CCR5AS: variants seen among roughly 807,000 people sequenced by gnomAD.
CCR5AS encodes CCR5 antisense RNA.
intron 3 of CCR5AS, among the ~76,000 whole-genome samples, chr3:46,370,250 G>C (rs556969790): frequency 3.3e-5 from 5 of 152,260 alleles, no homozygotes; most frequent in African/African-American, 7.2e-5. Context: ...ATAGTGAACA[G>C]AGTGAAAATC....
intron 2 of CCR5AS, among the ~76,000 whole-genome samples, chr3:46,378,865 TTG>T (rs1159909360): frequency 2.0e-5 from 3 of 152,222 alleles, no homozygotes; most frequent in Non-Finnish European, 4.4e-5. Flanking sequence ...AGAAAATGTT[TTG>T]TGACTAAGCA....
chr3:46,381,539 A>C (rs1355885271), intron 2 of CCR5AS, among the ~76,000 whole-genome samples: 3 of 152,238 alleles, frequency 2.0e-5, no homozygotes, highest in Non-Finnish European at 2.9e-5. Flanking sequence ...GAGTCAAGAC[A>C]ATTCCTCCTT....
At chr3:46,379,018 T>A (rs1701788373) in intron 2 of CCR5AS, among the ~76,000 whole-genome samples, 2 of 146,184 alleles carry the variant, frequency 1.4e-5, no homozygotes, top group Non-Finnish European at 3.0e-5. Context: ...TTTTTTTTTT[T>A]ACTTCTATTT....
At chr3:46,398,050 G>A (rs964405058) in intron 1 of CCR5AS, among the ~76,000 whole-genome samples, 1 of 152,314 alleles carries the variant, frequency 6.6e-6, no homozygotes. Flanking sequence ...CTTGGGAAAA[G>A]GGGGACTAGA....
At chr3:46,402,736 AT>A (rs1423232693) in intron 1 of CCR5AS, among the ~76,000 whole-genome samples, 1 of 152,132 alleles carries the variant, frequency 6.6e-6, no homozygotes. Context: ...TTAAACAATA[AT>A]TTTTTGAACT....
intron 1 of CCR5AS, among the ~76,000 whole-genome samples, chr3:46,394,912 T>A (rs1453548696): frequency 1.3e-5 from 2 of 151,990 alleles, no homozygotes; most frequent in Non-Finnish European, 2.9e-5. Flanking sequence ...GCCCATGGCA[T>A]GGGTGGAGAG....
At chr3:46,406,540 C>T (rs1423440510) in intron 1 of CCR5AS, among the ~76,000 whole-genome samples, 1 of 152,080 alleles carries the variant, frequency 6.6e-6, no homozygotes, top group Admixed American at 6.6e-5. Context: ...CCCCCAGCCT[C>T]AGTTTGGGGT....
intron 2 of CCR5AS, among the ~76,000 whole-genome samples, chr3:46,386,213 A>T (rs1701860907): frequency 6.6e-6 from 1 of 151,940 alleles, no homozygotes; most frequent in Admixed American, 6.6e-5. Context: ...ACCCCACCCG[A>T]CCACACTCCC....
At chr3:46,379,441 A>C in intron 2 of CCR5AS, among the ~76,000 whole-genome samples, 1 of 152,142 alleles carries the variant, frequency 6.6e-6, no homozygotes, top group Non-Finnish European at 1.5e-5. Context: ...AAATTTCTTT[A>C]TCATTCGCAC....
chr3:46,372,716 G>A (rs1243873241), intron 2 of CCR5AS: 2 of 496,758 alleles, frequency 4.0e-6, no homozygotes, highest in Non-Finnish European at 7.1e-6. Context: ...GAAGCTAGCA[G>A]CAAACCTTCC....
intron 2 of CCR5AS, among the ~76,000 whole-genome samples, chr3:46,388,551 C>T (rs1411052408): frequency 1.3e-5 from 2 of 152,084 alleles, no homozygotes; most frequent in Non-Finnish European, 2.9e-5. Flanking sequence ...TTTTTGGTCT[C>T]CATCCTTGAG....
At position 46,393,996 on chromosome 3, in the gene CCR5AS, C is replaced by T. The variant is rs185264432; in HGVS notation, n.164-944G>A. Among the ~76,000 whole-genome samples, 7 of 152,302 alleles carry T rather than the reference C, an allele frequency of 4.6e-5. No homozygotes were observed. In the East Asian group the frequency reaches 1.2e-3, roughly 25 times the overall value. ...TGATTTTTCAGTCAAATGCAAGATG[C>T]GTAGGATTCCTTTTCTGTTCAGTGC... On this transcript the variant is annotated intron_variant and non_coding_transcript_variant, in intron 1 of 3. Transcript: ENST00000451485.
At chr3:46,373,794 G>A in intron 2 of CCR5AS, 1 of 1,613,942 alleles carries the variant, frequency 6.2e-7, no homozygotes, top group Non-Finnish European at 8.5e-7. Flanking sequence ...CATCATCTAT[G>A]CCTTTGTCGG....
At chr3:46,397,656 C>T (rs751052922) in intron 1 of CCR5AS, among the ~76,000 whole-genome samples, 1 of 152,194 alleles carries the variant, frequency 6.6e-6, no homozygotes, top group Non-Finnish European at 1.5e-5. Context: ...GCTCTCCAAT[C>T]TTCTGCCTAA....
At chr3:46,367,040 T>C (rs1162449230) in intron 3 of CCR5AS, among the ~76,000 whole-genome samples, 1 of 152,098 alleles carries the variant, frequency 6.6e-6, no homozygotes, top group Non-Finnish European at 1.5e-5. Flanking sequence ...TAAATATAGT[T>C]AAGGCTATTT....
intron 2 of CCR5AS, among the ~76,000 whole-genome samples, chr3:46,382,677 A>G (rs1226199046): frequency 4.6e-5 from 7 of 152,238 alleles, no homozygotes; most frequent in Non-Finnish European, 1.0e-4. Context: ...AATGGTAGCC[A>G]CCAGGCCAGG....
intron 1 of CCR5AS, among the ~76,000 whole-genome samples, chr3:46,396,273 T>G (rs571205880): frequency 4.0e-5 from 6 of 151,888 alleles, no homozygotes; most frequent in Non-Finnish European, 8.8e-5. Context: ...AACTGGGCAC[T>G]TCACACTCCA....
chr3:46,385,753 A>T (rs1029943934), intron 2 of CCR5AS, among the ~76,000 whole-genome samples: 7 of 151,318 alleles, frequency 4.6e-5, no homozygotes, highest in African/African-American at 1.7e-4. Flanking sequence ...TTATTTATTT[A>T]TTTTTTAGAT....
intron 2 of CCR5AS, among the ~76,000 whole-genome samples, chr3:46,376,381 T>C (rs1200686612): frequency 6.6e-6 from 1 of 152,206 alleles, no homozygotes; most frequent in Non-Finnish European, 1.5e-5. Flanking sequence ...ATTTTTAAAA[T>C]TGACCCTTTT....
Sources: gnomAD v4.1 joint callset for allele counts (sites outside exome capture counted in the v4.1 genomes callset) on GRCh38, gnomAD v4.1.1 for gene constraint, MANE v1.5 for transcripts, NCBI Gene and HGNC (gene_info 2026-07-23, HGNC 2026-07-21) for gene names.